The following PCNX1 variants were observed in gnomAD, a reference collection of about 807,000 sequenced individuals.
The protein encoded by PCNX1 is pecanex 1.
A neutral mutation model predicts 242.2 loss-of-function variants in PCNX1; 78 were observed. The ratio of observed to expected loss-of-function variants is 0.32; its 90% CI spans 0.27 to 0.39. PCNX1 has a LOEUF of 0.39. PCNX1 is among the 10% of genes least tolerant of loss of function. PCNX1 has a pLI of 1.00. For missense variants in PCNX1, 2,581 were observed against 2,856.5 expected (o/e 0.90, Z 2.20); for synonymous variants, 1,024 against 1,032.9 (o/e 0.99, Z 0.17).
At position 71,089,921 on chromosome 14, in the gene PCNX1, TAG is replaced by T. The variant is rs33965642; in HGVS notation, c.5589+584_5589+585del. 8.3e-3 allele frequency among the ~76,000 whole-genome samples: 1,266 copies of T among 152,298 alleles called. 10 individuals carry two copies. The highest frequency in any genetic ancestry group is 0.029 in the African/African-American group (1,192 of 41,540). ...TAATAGTAAATTTGAATATTAACAT[TAG>T]AGAGTGACTGATACAGGCATGAAAT... On this transcript the variant is annotated intron_variant, in intron 30 of 35. Transcript: ENST00000304743.
At chr14:71,020,781 C>CT (rs563951074) in intron 12 of PCNX1, among the ~76,000 whole-genome samples, 249 of 152,242 alleles carry the variant, frequency 1.6e-3, no homozygotes, top group African/African-American at 5.7e-3. Context: ...TCCCATTTGT[C>CT]TATTTTGGCT....
At chr14:70,944,214 C>T (rs904182014) in intron 1 of PCNX1, among the ~76,000 whole-genome samples, 1 of 152,158 alleles carries the variant, frequency 6.6e-6, no homozygotes, top group African/African-American at 2.4e-5. Flanking sequence ...AGAAAAGCCA[C>T]AGACACTCAG....
chr14:70,918,864 C>A (rs940840945), intron 1 of PCNX1, among the ~76,000 whole-genome samples: 1 of 145,924 alleles, frequency 6.9e-6, no homozygotes, highest in Non-Finnish European at 1.5e-5. Flanking sequence ...ATGGAGTGTT[C>A]GTTTGTTGGT....
At chr14:71,032,168 C>T (rs990555574) in intron 16 of PCNX1, among the ~76,000 whole-genome samples, 2 of 152,252 alleles carry the variant, frequency 1.3e-5, no homozygotes, top group Non-Finnish European at 2.9e-5. Flanking sequence ...CTGCACTACA[C>T]ATGTAGCCTC....
chr14:70,969,792 G>T (rs1217204496), intron 5 of PCNX1: 1 of 152,264 alleles, frequency 6.6e-6, no homozygotes, highest in African/African-American at 2.4e-5. Context: ...GGGCAACATG[G>T]CGAAACCCTG....
intron 26 of PCNX1, among the ~76,000 whole-genome samples, chr14:71,062,353 GT>G (rs1281793189): frequency 1.3e-5 from 2 of 151,632 alleles, no homozygotes; most frequent in South Asian, 2.1e-4. Flanking sequence ...TAGTGTGTGT[GT>G]TTGTGTCTTA....
intron 2 of PCNX1, among the ~76,000 whole-genome samples, chr14:70,960,857 C>A (rs1595059416): frequency 6.6e-6 from 1 of 152,166 alleles, no homozygotes; most frequent in East Asian, 1.9e-4. Context: ...CACAAGCATT[C>A]TTATACACCA....
At chr14:71,032,938 A>G (rs1298401954) in intron 16 of PCNX1, among the ~76,000 whole-genome samples, 7 of 152,236 alleles carry the variant, frequency 4.6e-5, no homozygotes, top group Non-Finnish European at 1.0e-4. Flanking sequence ...GCTGTGGAGG[A>G]CATAGTAGTT....
In PCNX1 at chr14:71,003,080, C is replaced by CTTTTTTTTTTTTTTTTTTTTTTTTT. The variant is rs3083307; in HGVS notation, c.2630-6534_2630-6533insTTTTTTTTTTTTTTTTTTTTTTTTT. Among the ~76,000 whole-genome samples, 10 of 95,472 alleles carry CTTTTTTTTTTTTTTTTTTTTTTTTT rather than the reference C, an allele frequency of 1.0e-4. 1 individual carries two copies. The highest frequency in any genetic ancestry group is 4.2e-4 in the African/African-American group (9 of 21,262). 62.6% of individuals were successfully genotyped at this position (95,472 alleles called of 152,430 possible). On this transcript the variant is annotated intron_variant, in intron 8 of 35. Coordinates refer to ENST00000304743, the MANE Select transcript of PCNX1 (RefSeq NM_014982.3). ...TAAAAATCGGGTTGTTGGTTGTCTTCTTTTTTTTTTTTTTTTTTTTGAGAC... is the reference window on the plus strand; with the variant it reads ...TAAAAATCGGGTTGTTGGTTGTCTTCTTTTTTTTTTTTTTTTTTTTTTTTTTTTTTTTTTTTTTTTTTTTTGAGAC...
chr14:70,924,823 A>G (rs1198444210), intron 1 of PCNX1, among the ~76,000 whole-genome samples: 2 of 152,104 alleles, frequency 1.3e-5, no homozygotes, highest in African/African-American at 4.8e-5. Context: ...TCCTGGGCTC[A>G]AGCAATCCAC....
chr14:71,046,446 A>G (rs1480473675), intron 20 of PCNX1, among the ~76,000 whole-genome samples: 2 of 152,052 alleles, frequency 1.3e-5, no homozygotes, highest in African/African-American at 2.4e-5. Context: ...TGAAAGAAAA[A>G]ATATTATTTC....
At chr14:71,066,863 T>C (rs1211854176) in intron 26 of PCNX1, among the ~76,000 whole-genome samples, 1 of 152,206 alleles carries the variant, frequency 6.6e-6, no homozygotes, top group Non-Finnish European at 1.5e-5. Context: ...TCTATTGAGA[T>C]AATCATATAG....
chr14:71,104,905 A>T (rs1468821760), intron 32 of PCNX1, among the ~76,000 whole-genome samples: 2 of 150,958 alleles, frequency 1.3e-5, no homozygotes, highest in Non-Finnish European at 2.9e-5. Context: ...CAGCCTGGTG[A>T]CAGCGAGACT....
chr14:71,003,117 C>G (rs868246617), intron 8 of PCNX1, among the ~76,000 whole-genome samples: 3 of 115,030 alleles, frequency 2.6e-5, no homozygotes, highest in Non-Finnish European at 4.8e-5. Context: ...GAGTCTCACT[C>G]TTGTTGTCCA....
intron 5 of PCNX1, among the ~76,000 whole-genome samples, chr14:70,972,251 G>C (rs970899017): frequency 2.6e-5 from 4 of 151,794 alleles, no homozygotes; most frequent in Admixed American, 2.6e-4. Flanking sequence ...AGCAGATTCA[G>C]GGTGGGGAGA....
At chr14:70,962,087 C>A in intron 2 of PCNX1, 139 bp from the exon 3 acceptor site, 1 of 611,566 alleles carries the variant, frequency 1.6e-6, no homozygotes, top group Non-Finnish European at 2.9e-6. Context: ...TCGTTGTTTA[C>A]CTTTTTTGCT....
rs758586448 is a variant in PCNX1, at chr14:71,036,048, C to CT, written c.3775-9dup. On this transcript the variant is annotated splice_polypyrimidine_tract_variant and intron_variant, in intron 18 of 35. Coordinates refer to ENST00000304743, the MANE Select transcript of PCNX1 (RefSeq NM_014982.3). ...AATTTTATGTAATTGTTTAATAATT[C>CT]TTTTTTTTCCCCACAGAGTGAGCGA... The CT allele has an allele frequency of 8.9e-5, 131 of 1,473,158 alleles. No individual in the cohort carries two copies. Among genetic ancestry groups the CT allele is most frequent in the Non-Finnish European group, 1.1e-4 (116 of 1,067,700 alleles). 91.3% of individuals were successfully genotyped at this position (1,473,158 alleles called of 1,614,324 possible).
At chr14:70,939,322 G>A (rs1297456529) in intron 1 of PCNX1, among the ~76,000 whole-genome samples, 2 of 152,154 alleles carry the variant, frequency 1.3e-5, no homozygotes, top group Non-Finnish European at 1.5e-5. Context: ...AGAGATTCTG[G>A]TATGTTGTGT....
chr14:70,968,648 G>A (rs17108799), intron 4 of PCNX1, among the ~76,000 whole-genome samples: 1,870 of 152,272 alleles, frequency 0.012, 41 homozygotes, highest in African/African-American at 0.043. Flanking sequence ...AGATAAATTC[G>A]TATTGTTTTC....
Sources: gnomAD v4.1 joint callset for allele counts (sites outside exome capture counted in the v4.1 genomes callset) on GRCh38, gnomAD v4.1.1 for gene constraint, MANE v1.5 for transcripts, NCBI Gene and HGNC (gene_info 2026-07-23, HGNC 2026-07-21) for gene names.